The following GABRG3 variants were observed in gnomAD, a reference collection of about 807,000 sequenced individuals.
GABRG3 encodes the protein gamma-aminobutyric acid receptor subunit gamma-3.
GABRG3 carries 25 observed loss-of-function variants against 48.8 expected under a neutral mutation model. The ratio of observed to expected loss-of-function variants is 0.51; its 90% CI spans 0.37 to 0.72. The LOEUF is 0.72. Ranked by LOEUF, GABRG3 falls within the 30% of genes least tolerant of loss-of-function variation. The probability of loss-of-function intolerance (pLI) is 0.00; values close to 1 mark genes in which losing one functional copy is unlikely to be tolerated. For missense variants in GABRG3, 394 were observed against 577.9 expected (o/e 0.68, Z 3.26); for synonymous variants, 227 against 217.6 (o/e 1.04, Z -0.38).
intron 3 of GABRG3, among the ~76,000 whole-genome samples, chr15:27,182,255 A>G (rs1887954167): frequency 6.6e-6 from 1 of 152,156 alleles, no homozygotes; most frequent in African/African-American, 2.4e-5. Flanking sequence ...GGTGCCTGGG[A>G]AGCAGGGGTG....
chr15:27,324,866 TC>T (rs1893553486), intron 3 of GABRG3, among the ~76,000 whole-genome samples: 1 of 152,210 alleles, frequency 6.6e-6, no homozygotes, highest in Non-Finnish European at 1.5e-5. Flanking sequence ...CCTACAGCTT[TC>T]AGTGGAAGGG....
At chr15:27,231,994 TAATA>T (rs1453782630) in intron 3 of GABRG3, among the ~76,000 whole-genome samples, 2 of 152,182 alleles carry the variant, frequency 1.3e-5, no homozygotes, top group Non-Finnish European at 2.9e-5. Context: ...TCCAAGTAAA[TAATA>T]AAGCTGACTG....
intron 3 of GABRG3, among the ~76,000 whole-genome samples, chr15:27,276,105 A>G (rs1891245271): frequency 6.6e-6 from 1 of 152,202 alleles, no homozygotes; most frequent in South Asian, 2.1e-4. Flanking sequence ...AGTAAGGGAG[A>G]TCAGCCACCA....
At chr15:27,117,089 G>A (rs372590213) in intron 3 of GABRG3, among the ~76,000 whole-genome samples, 47 of 152,304 alleles carry the variant, frequency 3.1e-4, no homozygotes, top group African/African-American at 8.9e-4. Context: ...GCAAATTCAG[G>A]CAGAAGGATG....
intron 2 of GABRG3, among the ~76,000 whole-genome samples, chr15:27,001,885 T>C (rs1895453368): frequency 6.9e-6 from 1 of 145,848 alleles, no homozygotes; most frequent in Admixed American, 6.9e-5. Context: ...TTCCCATAAC[T>C]CAGTTTTTTT....
chr15:27,479,748 T>G (rs1042323603), intron 5 of GABRG3, among the ~76,000 whole-genome samples: 1 of 152,188 alleles, frequency 6.6e-6, no homozygotes, highest in Admixed American at 6.5e-5. Flanking sequence ...GTGTTGCCAA[T>G]GACATAAGGC....
intron 3 of GABRG3, among the ~76,000 whole-genome samples, chr15:27,132,819 A>G (rs1265675879): frequency 6.7e-6 from 1 of 149,062 alleles, no homozygotes; most frequent in Admixed American, 6.6e-5. Flanking sequence ...TCTAATCTTT[A>G]TTATTTTCTT....
chr15:27,202,906 T>C (rs1041099283), intron 3 of GABRG3, among the ~76,000 whole-genome samples: 2 of 152,166 alleles, frequency 1.3e-5, no homozygotes, highest in Non-Finnish European at 2.9e-5. Flanking sequence ...TATGTTCATT[T>C]CCCCTCATAT....
intron 3 of GABRG3, among the ~76,000 whole-genome samples, chr15:27,246,474 A>G (rs1238406666): frequency 6.6e-6 from 1 of 152,196 alleles, no homozygotes; most frequent in Non-Finnish European, 1.5e-5. Flanking sequence ...GGTGGTTTTC[A>G]TTCTCTAAAG....
intron 3 of GABRG3, among the ~76,000 whole-genome samples, chr15:27,117,319 C>T (rs1257879199): frequency 6.6e-6 from 1 of 152,076 alleles, no homozygotes; most frequent in African/African-American, 2.4e-5. Context: ...CACTAAATTT[C>T]AGTTTGAAGT....
intron 7 of GABRG3, among the ~76,000 whole-genome samples, chr15:27,525,454 T>C (rs1010443833): frequency 1.3e-5 from 2 of 152,132 alleles, no homozygotes. Flanking sequence ...TCTTCTTTAC[T>C]AGGTAGCTTA....
At chr15:27,471,105 C>A (rs1310852733) in intron 5 of GABRG3, among the ~76,000 whole-genome samples, 1 of 152,104 alleles carries the variant, frequency 6.6e-6, no homozygotes, top group African/African-American at 2.4e-5. Flanking sequence ...ATCAGCCTCT[C>A]CCAAAATTTA....
intron 2 of GABRG3, among the ~76,000 whole-genome samples, chr15:26,996,601 T>C (rs971028279): frequency 6.6e-6 from 1 of 151,820 alleles, no homozygotes; most frequent in Non-Finnish European, 1.5e-5. Flanking sequence ...CCTCTGGTAG[T>C]CCAATTATGT....
chr15:27,463,575 G>T (rs1889513358), intron 5 of GABRG3, among the ~76,000 whole-genome samples: 9 of 152,152 alleles, frequency 5.9e-5, no homozygotes, highest in Admixed American at 5.9e-4. Flanking sequence ...TTGCAAAAGT[G>T]AGATATTGAA....
intron 2 of GABRG3, among the ~76,000 whole-genome samples, chr15:26,984,145 A>G (rs1595455336): frequency 6.6e-6 from 1 of 152,202 alleles, no homozygotes; most frequent in East Asian, 1.9e-4. Context: ...TCTTGAGGAT[A>G]ATGTGGTATG....
chr15:27,266,668 T>C (rs1177007640), intron 3 of GABRG3, among the ~76,000 whole-genome samples: 1 of 152,224 alleles, frequency 6.6e-6, no homozygotes, highest in Non-Finnish European at 1.5e-5. Context: ...AAACACAGTC[T>C]ATTCCTCCAT....
chr15:27,124,512 G>A (rs1360467855), intron 3 of GABRG3, among the ~76,000 whole-genome samples: 8 of 152,188 alleles, frequency 5.3e-5, no homozygotes, highest in African/African-American at 1.2e-4. Context: ...AGTGTGATCC[G>A]GGGAAATGGA....
intron 6 of GABRG3, among the ~76,000 whole-genome samples, chr15:27,518,639 G>A (rs553990977): frequency 8.8e-4 from 134 of 152,236 alleles, no homozygotes; most frequent in Admixed American, 1.8e-3. Context: ...GAAATAAAAA[G>A]AAGAGCATGC....
chr15:27,317,145 G>C (rs61111737), intron 3 of GABRG3, among the ~76,000 whole-genome samples: 64,919 of 151,946 alleles, frequency 0.43, 15,852 homozygotes, highest in Non-Finnish European at 0.55. Context: ...TTTCCACCCT[G>C]TTCCCTTCAG....
Sources: allele counts gnomAD v4.1 joint callset (sites outside exome capture counted in the v4.1 genomes callset), GRCh38; gene constraint gnomAD v4.1.1; transcripts MANE v1.5; gene names NCBI Gene and HGNC (gene_info 2026-07-23, HGNC 2026-07-21).